Variants in ADAMTS6 observed in about 807,000 individuals in gnomAD.
The protein encoded by ADAMTS6 is A disintegrin and metalloproteinase with thrombospondin motifs 6.
ADAMTS6 carries 23 observed loss-of-function variants against 144.3 expected under a neutral mutation model. The ratio of observed to expected loss-of-function variants is 0.16; its 90% CI spans 0.11 to 0.23. ADAMTS6 has a LOEUF of 0.23. Among genes scored for constraint, ADAMTS6 ranks in the 10% least tolerant of loss-of-function variants. The probability of loss-of-function intolerance (pLI) is 1.00; values close to 1 mark genes in which losing one functional copy is unlikely to be tolerated. For missense variants in ADAMTS6, 999 were observed against 1,379.6 expected, an observed-to-expected ratio of 0.72 and a Z score of 4.37; for synonymous variants, 444 against 457.5, an observed-to-expected ratio of 0.97 and a Z score of 0.38.
chr5:65,233,530 T>C (rs1758423006), intron 15 of ADAMTS6, among the ~76,000 whole-genome samples: 1 of 152,084 alleles, frequency 6.6e-6, no homozygotes, highest in Non-Finnish European at 1.5e-5. Flanking sequence ...TCCATTTCTA[T>C]ACACTAACAA....
At position 65,291,374 on chromosome 5, in the gene ADAMTS6, T is replaced by C. The variant is rs1445545397; in HGVS notation, c.1467A>G (p.Gln489=). ...AGGTTGCTCCATACTGGAAACGACA[T>C]TGCTCATCAGCATCATACACCTGAC... ...APGQVYDADE[Q]CRFQYGATSR... The change falls in exon 11 of 25, where the codon CAA becomes CAG. Residue 489 remains glutamine (Q), a synonymous_variant. Transcript: ENST00000381055. 6.2e-7 allele frequency: 1 copy of C among 1,613,896 alleles called. No homozygotes were observed. The highest frequency in any genetic ancestry group is 1.3e-5 in the African/African-American group (1 of 74,920).
At chr5:65,325,965 C>T (rs1746125632) in intron 9 of ADAMTS6, among the ~76,000 whole-genome samples, 1 of 152,128 alleles carries the variant, frequency 6.6e-6, no homozygotes, top group Admixed American at 6.5e-5. Context: ...CTGCCATAAA[C>T]ACATCATCAA....
At chr5:65,457,729 GTTT>G (rs975056636) in intron 4 of ADAMTS6, among the ~76,000 whole-genome samples, 67 of 141,986 alleles carry the variant, frequency 4.7e-4, no homozygotes, top group Non-Finnish European at 7.6e-4. Context: ...TTGAATCCTA[GTTT>G]TTTTCTTTCT....
intron 1 of ADAMTS6, among the ~76,000 whole-genome samples, chr5:65,477,882 C>A (rs1259871652): frequency 6.6e-6 from 1 of 151,800 alleles, no homozygotes; most frequent in Non-Finnish European, 1.5e-5. Flanking sequence ...AATCCCAGCA[C>A]TTTGAGAGGC....
intron 18 of ADAMTS6, among the ~76,000 whole-genome samples, chr5:65,216,855 G>A (rs1489712973): frequency 5.3e-5 from 8 of 150,894 alleles, no homozygotes; most frequent in African/African-American, 9.8e-5. Context: ...TAGTACTACC[G>A]TACAAAAACT....
intron 7 of ADAMTS6, among the ~76,000 whole-genome samples, chr5:65,364,859 C>A (rs1373419683): frequency 6.6e-6 from 1 of 152,092 alleles, no homozygotes; most frequent in African/African-American, 2.4e-5. Context: ...AGTCACTGCG[C>A]CTGGCCTGCC....
chr5:65,361,060 G>A (rs1304174004), intron 7 of ADAMTS6, among the ~76,000 whole-genome samples: 1 of 152,070 alleles, frequency 6.6e-6, no homozygotes, highest in Non-Finnish European at 1.5e-5. Context: ...TAGTGTAACA[G>A]AGTAGCATGA....
intron 7 of ADAMTS6, among the ~76,000 whole-genome samples, chr5:65,412,429 C>A (rs1755127775): frequency 6.6e-6 from 1 of 152,004 alleles, no homozygotes. Flanking sequence ...CACAGGCACA[C>A]AAACACACAC....
chr5:65,230,766 C>T (rs185549529), intron 15 of ADAMTS6, among the ~76,000 whole-genome samples: 18,963 of 85,884 alleles, frequency 0.22, 6,224 homozygotes, highest in Admixed American at 0.26. Context: ...ATATATATAA[C>T]ACATATGTAT....
intron 7 of ADAMTS6, among the ~76,000 whole-genome samples, chr5:65,335,692 G>A (rs890413494): frequency 1.3e-5 from 2 of 151,640 alleles, no homozygotes; most frequent in African/African-American, 4.8e-5. Context: ...TGGTCTATTT[G>A]GGGAAATAAA....
Position 65,172,858 on chromosome 5 carries a change from G to A in ADAMTS6, c.3061C>T (p.Arg1021Cys), listed in dbSNP as rs1753720536. 6.2e-6 allele frequency: 10 copies of A among 1,614,188 alleles called. No individual in the cohort carries two copies. The highest frequency in any genetic ancestry group is 8.5e-6 in the Non-Finnish European group (10 of 1,180,020). Residue 1021 changes from arginine (R) to cysteine (C), a missense_variant, in exon 23 of 25, where the codon CGC becomes TGC. By Grantham distance (180) the Arg-to-Cys change is radical. This residue lies in a region of ADAMTS6 where 619 missense variants were observed against 837.0 expected (regional missense o/e 0.74). Transcript: ENST00000381055. ...RCSLGRCPPPRWVTGDWGQCS... is the reference protein window; with the variant it reads ...RCSLGRCPPPCWVTGDWGQCS... ...TGGCCCCAGTCTCCTGTGACCCAGC[G>A]AGGAGGAGGGCAGCGGCCCAAACTG... is the stretch of plus-strand genomic sequence containing the variant.
intron 11 of ADAMTS6, among the ~76,000 whole-genome samples, chr5:65,278,677 A>C (rs532009350): frequency 6.6e-6 from 1 of 152,268 alleles, no homozygotes; most frequent in East Asian, 1.9e-4. Context: ...ATTTCTTCTT[A>C]TATCTTACCA....
intron 7 of ADAMTS6, among the ~76,000 whole-genome samples, chr5:65,376,947 C>T (rs1395867953): frequency 6.6e-6 from 1 of 152,074 alleles, no homozygotes; most frequent in Non-Finnish European, 1.5e-5. Context: ...ATTGACCAAT[C>T]TCTAAAAGTT....
intron 21 of ADAMTS6, among the ~76,000 whole-genome samples, chr5:65,194,077 A>G (rs938987076): frequency 1.3e-5 from 2 of 151,914 alleles, no homozygotes; most frequent in Admixed American, 6.6e-5. Flanking sequence ...ATGATCATCT[A>G]AAAAAAACCT....
At chr5:65,153,804 C>G (rs1752257906) in intron 24 of ADAMTS6, among the ~76,000 whole-genome samples, 1 of 152,142 alleles carries the variant, frequency 6.6e-6, no homozygotes, top group Admixed American at 6.5e-5. Flanking sequence ...CTGAGTTGAG[C>G]AAATTAGAAG....
chr5:65,223,464 A>G (rs1757476732), intron 18 of ADAMTS6, among the ~76,000 whole-genome samples: 1 of 152,166 alleles, frequency 6.6e-6, no homozygotes, highest in Non-Finnish European at 1.5e-5. Context: ...TTTGACCAAC[A>G]TCTTCCCATT....
At position 65,460,154 on chromosome 5, in the gene ADAMTS6, C is replaced by T; in HGVS notation, c.631+16G>A. 1 of 1,612,970 alleles carries T rather than the reference C, an allele frequency of 6.2e-7. No homozygotes were observed. Among genetic ancestry groups the T allele is most frequent in the African/African-American group, 1.3e-5 (1 of 74,988 alleles). On this transcript the variant is annotated intron_variant, in intron 4 of 24. Coordinates refer to ENST00000381055, the MANE Select transcript of ADAMTS6 (RefSeq NM_197941.4). ...TCCAGTACAATACGCTTTGTAAAAG[C>T]TGCACACTCACTCACCCGAAACCCC...
At chr5:65,397,635 G>A (rs1753461163) in intron 7 of ADAMTS6, among the ~76,000 whole-genome samples, 2 of 151,698 alleles carry the variant, frequency 1.3e-5, no homozygotes, top group South Asian at 4.2e-4. Context: ...CCAGGATTTT[G>A]GTAGGCCCAG....
chr5:65,436,008 G>A (rs568873720), intron 7 of ADAMTS6, among the ~76,000 whole-genome samples: 37 of 152,132 alleles, frequency 2.4e-4, no homozygotes, highest in South Asian at 6.2e-4. Flanking sequence ...ATGGTAGTCC[G>A]TATTGTCTAT....
Sources: allele counts gnomAD v4.1 joint callset (sites outside exome capture counted in the v4.1 genomes callset), GRCh38; gene constraint gnomAD v4.1.1; regional missense constraint gnomAD v4.1.1; transcripts MANE v1.5; gene names NCBI Gene and HGNC (gene_info 2026-07-23, HGNC 2026-07-21).